SYTL2: variants seen among roughly 807,000 people sequenced by gnomAD.
SYTL2 encodes synaptotagmin-like protein 2.
In SYTL2, 165 loss-of-function variants were observed where a neutral mutation model predicts 198.7. That is an observed-to-expected ratio of 0.83 (90% confidence interval 0.73 to 0.94). The LOEUF (loss-of-function observed/expected upper bound fraction) is 0.94, where lower values mean the gene tolerates loss of function less well. SYTL2 is among the 40% of genes least tolerant of loss of function. SYTL2 has a pLI of 0.00. For synonymous variants in SYTL2, 966 were observed against 917.7 expected, an observed-to-expected ratio of 1.05 and a Z score of -0.95; for missense variants, 2,835 against 2,582.8, an observed-to-expected ratio of 1.10 and a Z score of -2.12.
chr11:85,771,540 A>G (rs2092355199), intron 1 of SYTL2, among the ~76,000 whole-genome samples: 1 of 152,190 alleles, frequency 6.6e-6, no homozygotes, highest in Admixed American at 6.5e-5. Flanking sequence ...TAGAAACCCC[A>G]TGCTGTGGAT....
chr11:85,737,726 G>A (rs1483137915), intron 4 of SYTL2, 70 bp from the exon 5 acceptor site: 1 of 1,319,740 alleles, frequency 7.6e-7, no homozygotes, highest in Non-Finnish European at 1.1e-6. Flanking sequence ...TGCCTCTGAA[G>A]TGGAAAGCTA....
the SYTL2 span, among the ~76,000 whole-genome samples, chr11:85,833,075 GAA>G: frequency 2.1e-5 from 1 of 47,778 alleles, no homozygotes; most frequent in Non-Finnish European, 4.5e-5. Context: ...AAGAAAGAAA[GAA>G]AGAAAGAAAG....
intron 1 of SYTL2, among the ~76,000 whole-genome samples, chr11:85,782,080 T>C (rs2092569372): frequency 6.6e-6 from 1 of 152,214 alleles, no homozygotes; most frequent in Non-Finnish European, 1.5e-5. Flanking sequence ...AGGTTCTCCA[T>C]GAGAGTCCCA....
intron 1 of SYTL2, among the ~76,000 whole-genome samples, chr11:85,775,767 C>G (rs1224186736): frequency 6.6e-6 from 1 of 152,180 alleles, no homozygotes; most frequent in Non-Finnish European, 1.5e-5. Context: ...GGGTATAAAC[C>G]ACCATGCCCA....
At position 85,786,089 on chromosome 11, in the gene SYTL2, T is replaced by G. The variant is rs2092631262; in HGVS notation, c.-390+24865A>C. On this transcript the variant is annotated intron_variant, in intron 1 of 19. Coordinates refer to ENST00000359152, the MANE Select transcript of SYTL2 (RefSeq NM_206927.4). The stretch of plus-strand genomic sequence containing the variant: ...CTAAGCAACAAAAAGGAAAAACTCT[T>G]GATAGACACAACTTGGATGAATCTC... 2.6e-5 allele frequency among the ~76,000 whole-genome samples: 4 copies of G among 152,178 alleles called. No homozygotes were observed. The South Asian group carries it at 8.3e-4, about 31-fold the overall frequency.
chr11:85,757,459 C>A (rs2091931371), intron 2 of SYTL2, among the ~76,000 whole-genome samples, 166 bp downstream of exon 2: 1 of 152,046 alleles, frequency 6.6e-6, no homozygotes, highest in South Asian at 2.1e-4. Flanking sequence ...TTAAGAGGCA[C>A]CAAGAGGAAA....
chr11:85,742,026 G>C (rs1183437324), intron 4 of SYTL2, among the ~76,000 whole-genome samples: 2 of 152,076 alleles, frequency 1.3e-5, no homozygotes, highest in African/African-American at 4.8e-5. Context: ...CAATGCCATG[G>C]ACTGAAATAC....
chr11:85,784,462 G>C (rs1271784407), intron 1 of SYTL2, among the ~76,000 whole-genome samples: 1 of 151,934 alleles, frequency 6.6e-6, no homozygotes, highest in South Asian at 2.1e-4. Flanking sequence ...CCCATCTAAA[G>C]ATATGATATT....
intron 14 of SYTL2, chr11:85,707,972 A>AAC (rs1406270739): frequency 8.8e-6 from 2 of 227,164 alleles, no homozygotes; most frequent in African/African-American, 5.0e-5. Context: ...AAAAAAAAAA[A>AAC]AAACCACACA....
the SYTL2 span, among the ~76,000 whole-genome samples, chr11:85,832,701 G>A: frequency 6.6e-6 from 1 of 151,936 alleles, no homozygotes; most frequent in South Asian, 2.1e-4. Context: ...TGGTCTATAG[G>A]TTTTTAAGGC....
At chr11:85,792,517 T>C (rs1176495978) in intron 1 of SYTL2, among the ~76,000 whole-genome samples, 1 of 151,986 alleles carries the variant, frequency 6.6e-6, no homozygotes, top group Non-Finnish European at 1.5e-5. Context: ...AAGCACTCCT[T>C]GGAAACAATA....
rs763507309 is a variant in SYTL2, at chr11:85,695,256, T to G, written c.6659A>C (p.Asn2220Thr). The G allele has an allele frequency of 9.9e-6, 16 of 1,612,848 alleles. No individual in the cohort carries two copies. Among genetic ancestry groups the G allele is most frequent in the African/African-American group, 1.3e-5 (1 of 74,892 alleles). The change falls in exon 20 of 20, where the codon AAT (asparagine) becomes ACT (threonine). Residue 2220 changes from asparagine (N) to threonine (T), a missense_variant. Asn to Thr is a moderately conservative substitution (Grantham distance 65, BLOSUM62 0). Transcript: ENST00000359152. ...ALWEKMVNSP[N>T]TWIEATLPLR... ...AGGCAGTGTTGCTTCAATCCAAGTA[T>G]TGGGGGAGTTTACCATCTTCTCCCA...
chr11:85,726,172 C>T lies in SYTL2; in HGVS notation c.3186G>A (p.Val1062=), dbSNP rs750684083. The change falls in exon 8 of 20, where the codon GTG becomes GTA. Residue 1062 remains valine, a synonymous_variant. Coordinates refer to ENST00000359152, the MANE Select transcript of SYTL2 (RefSeq NM_206927.4). ...AAGGAAATGTGATTTCATCTGGTAG[C>T]ACCTGGAGTATGCCCTTTGAATTTA... The part of the protein sequence containing the change: ...EKLNSKGILQ[V]LPDEITFPLS... 6.2e-7 allele frequency: 1 copy of T among 1,614,044 alleles called. No homozygotes were observed. Among genetic ancestry groups the T allele is most frequent in the Admixed American group, 1.7e-5 (1 of 60,002 alleles).
At chr11:85,818,027 C>A in the SYTL2 span, among the ~76,000 whole-genome samples, 27 of 151,710 alleles carry the variant, frequency 1.8e-4, no homozygotes, top group East Asian at 4.9e-3. Flanking sequence ...CTCAGCCTCC[C>A]AAGTAGTTAG....
At chr11:85,752,916 T>TCAAAA (rs1565984055) in intron 2 of SYTL2, among the ~76,000 whole-genome samples, 2 of 33,870 alleles carry the variant, frequency 5.9e-5, no homozygotes, top group Admixed American at 4.5e-4. Context: ...ACTGCCTTCA[T>TCAAAA]TAAAAAAAAA....
the SYTL2 span, among the ~76,000 whole-genome samples, chr11:85,822,258 G>C: frequency 3.3e-5 from 5 of 152,160 alleles, no homozygotes; most frequent in East Asian, 9.6e-4. Context: ...CGGACTCCTA[G>C]TCATGGGGTC....
At chr11:85,820,553 T>TG in the SYTL2 span, among the ~76,000 whole-genome samples, 12 of 152,272 alleles carry the variant, frequency 7.9e-5, no homozygotes, top group African/African-American at 2.9e-4. Context: ...ATTCTAACTC[T>TG]GGGGGTGAGG....
intron 12 of SYTL2, among the ~76,000 whole-genome samples, chr11:85,712,715 C>A (rs1047216150): frequency 1.8e-4 from 27 of 150,868 alleles, no homozygotes; most frequent in Non-Finnish European, 4.0e-4. Context: ...CACACACACA[C>A]ACACACACAC....
At chr11:85,763,956 T>A (rs1466545510) in intron 1 of SYTL2, among the ~76,000 whole-genome samples, 1 of 152,232 alleles carries the variant, frequency 6.6e-6, no homozygotes, top group Admixed American at 6.5e-5. Context: ...CACCTCCCTC[T>A]CAGCAGAAAG....
Sources: allele counts gnomAD v4.1 joint callset (sites outside exome capture counted in the v4.1 genomes callset), GRCh38; gene constraint gnomAD v4.1.1; transcripts MANE v1.5; gene names NCBI Gene and HGNC (gene_info 2026-07-23, HGNC 2026-07-21).